The following YBX1 variants were observed in gnomAD, a reference collection of about 807,000 sequenced individuals.
The protein encoded by YBX1 is Y-box binding protein 1, also known as Y-box-binding protein 1.
A neutral mutation model predicts 41.4 loss-of-function variants in YBX1; 3 were observed. The observed-to-expected ratio is 0.07, with a 90% confidence interval of 0.03 to 0.19. The LOEUF (loss-of-function observed/expected upper bound fraction) is 0.19, where lower values mean the gene tolerates loss of function less well. YBX1 is among the 10% of genes least tolerant of loss of function. YBX1 has a pLI of 1.00. For missense variants in YBX1, 274 were observed against 462.8 expected, an observed-to-expected ratio of 0.59 and a Z score of 3.74; for synonymous variants, 133 against 165.8, an observed-to-expected ratio of 0.80 and a Z score of 1.52.
intron 2 of YBX1, among the ~76,000 whole-genome samples, chr1:42,688,470 A>G (rs1650251440): frequency 6.6e-6 from 1 of 152,218 alleles, no homozygotes; most frequent in South Asian, 2.1e-4. Flanking sequence ...GGCAGCATTA[A>G]ATCATAACTG....
In YBX1 at chr1:42,703,000, C is replaced by T. The variant is rs1273061997; in HGVS notation, c.*1051C>T. ...GGAGTACAGTGGCACAATCTTGGCT[C>T]ACTGCAACCTCCACCTCTAGGTTTA... On this transcript the variant is annotated 3_prime_UTR_variant, in exon 8 of 8. Coordinates refer to ENST00000321358, the MANE Select transcript of YBX1 (RefSeq NM_004559.5). 1.3e-5 allele frequency among the ~76,000 whole-genome samples: 2 copies of T among 152,172 alleles called. No homozygotes were observed. The highest frequency in any genetic ancestry group is 2.9e-5 in the Non-Finnish European group (2 of 68,032).
Position 42,683,186 on chromosome 1 carries a change from C to A in YBX1, c.167-217C>A, listed in dbSNP as rs1489833107. 3.3e-5 allele frequency: 22 copies of A among 665,292 alleles called. 2 individuals carry two copies. In the East Asian group the frequency reaches 3.9e-4, roughly 12 times the overall value. 41.2% of individuals were successfully genotyped at this position (665,292 alleles called of 1,614,324 possible). ...CTGCGCACACACCCATCCTGGGGCC[C>A]GCGCCCCGGGCCTGCCCTGGAGCGC... is the stretch of plus-strand genomic sequence containing the variant. On this transcript the variant is annotated intron_variant, in intron 1 of 7. Transcript: ENST00000321358.
intron 2 of YBX1, among the ~76,000 whole-genome samples, chr1:42,690,874 G>A (rs1205843806): frequency 6.6e-6 from 1 of 152,142 alleles, no homozygotes; most frequent in African/African-American, 2.4e-5. Context: ...TTTCTTTCTA[G>A]TAGATGGGGG....
chr1:42,687,724 G>A (rs183706675), intron 2 of YBX1, among the ~76,000 whole-genome samples: 2 of 152,270 alleles, frequency 1.3e-5, no homozygotes, highest in African/African-American at 4.8e-5. Flanking sequence ...TCCAGCTTCA[G>A]CCTCCCAAAT....
chr1:42,696,707 A>G lies in YBX1; in HGVS notation c.420A>G (p.Ala140=). 1 of 1,611,694 alleles carries G rather than the reference A, an allele frequency of 6.2e-7. No individual in the cohort carries two copies. Residue 140 remains alanine, a synonymous_variant, in exon 5 of 8, where the codon GCA becomes GCG. Coordinates refer to ENST00000321358, the MANE Select transcript of YBX1 (RefSeq NM_004559.5). The surrounding 1 kb of genome is among the most constrained non-coding windows in gnomAD (Gnocchi z 5.7). ...CAGTTCAAGGCAGTAAATATGCAGC[A>G]GACCGTAACCATTATAGACGCTATC... ...GVPVQGSKYA[A]DRNHYRRYPR... is the part of the protein sequence containing the mutation.
rs1390079333 is a variant in YBX1, at chr1:42,696,520, CCCT to C, written c.355-121_355-119del. ...CTGGTCACGCAGTTGCGCCCCCCCCCCCTTTTTTTTCCTTAACTTTGTTGTTTT... is the reference window on the plus strand; with the variant it reads ...CTGGTCACGCAGTTGCGCCCCCCCCCTTTTTTTCCTTAACTTTGTTGTTTT... On this transcript the variant is annotated intron_variant, in intron 4 of 7. Coordinates refer to ENST00000321358, the MANE Select transcript of YBX1 (RefSeq NM_004559.5). This position sits in a 1 kb window ranked among gnomAD's most constrained non-coding sequence, Gnocchi z 5.7. 8 of 735,626 alleles carry C rather than the reference CCCT, an allele frequency of 1.1e-5. No individual in the cohort carries two copies. Among genetic ancestry groups the C allele is most frequent in the South Asian group, 4.9e-5 (2 of 40,908 alleles). The allele number at this position is 735,626 out of a possible 1,614,324, so 45.6% of individuals were successfully genotyped here.
intron 2 of YBX1, among the ~76,000 whole-genome samples, chr1:42,691,465 C>T (rs1213112882): frequency 1.3e-5 from 2 of 152,044 alleles, no homozygotes; most frequent in South Asian, 2.1e-4. Context: ...AATGGAGGCC[C>T]GGCTAATTTT....
At chr1:42,700,726 G>A (rs1335009836) in intron 6 of YBX1, 55 bp from the exon 7 acceptor site, 2 of 1,494,452 alleles carry the variant, frequency 1.3e-6, no homozygotes, top group Non-Finnish European at 1.8e-6. Context: ...ACACTGGTGG[G>A]TGTGTTGAAG....
chr1:42,687,996 C>T (rs1022143228), intron 2 of YBX1, among the ~76,000 whole-genome samples: 1 of 152,152 alleles, frequency 6.6e-6, no homozygotes. Context: ...GACATGTATG[C>T]AGGAGACATT....
intron 1 of YBX1, 126 bp downstream of exon 1, chr1:42,682,857 A>AT (rs1270669925): frequency 2.3e-6 from 1 of 429,920 alleles, no homozygotes; most frequent in Non-Finnish European, 3.4e-6. Context: ...GCGGCCGCCC[A>AT]TCCCCCCCGT....
intron 2 of YBX1, among the ~76,000 whole-genome samples, chr1:42,685,392 G>A (rs1650170048): frequency 6.6e-6 from 1 of 152,112 alleles, no homozygotes; most frequent in South Asian, 2.1e-4. Flanking sequence ...TGGTTAAAAT[G>A]TTCTTTATGC....
intron 1 of YBX1, 133 bp downstream of exon 1, chr1:42,682,864 C>T: frequency 2.6e-6 from 1 of 381,688 alleles, no homozygotes; most frequent in Non-Finnish European, 4.2e-6. Context: ...CCCATCCCCC[C>T]CGTCCCCCCC....
chr1:42,688,443 A>T lies in YBX1; in HGVS notation c.230+4977A>T, dbSNP rs541674083. Among the ~76,000 whole-genome samples the T allele has an allele frequency of 2.9e-5, 4 of 137,032 alleles. No homozygotes were observed. In the East Asian group the frequency reaches 7.9e-4, roughly 27 times the overall value. The allele number at this position is 137,032 out of a possible 152,430, so 89.9% of individuals were successfully genotyped here. On this transcript the variant is annotated intron_variant, in intron 2 of 7. Transcript: ENST00000321358. ...AGCCATTTGCAGTTGAGAAATGTAA[A>T]CAAACATAAAGATTCAGGCAGCATT...
rs761266184 is a variant in YBX1, at chr1:42,683,446, C to T, written c.210C>T (p.Asn70=). 3.9e-5 allele frequency: 63 copies of T among 1,613,836 alleles called. No individual in the cohort carries two copies. Among genetic ancestry groups the T allele is most frequent in the Non-Finnish European group, 5.0e-5 (59 of 1,180,042 alleles). Residue 70 remains asparagine (N), a synonymous_variant, in exon 2 of 8, where the codon AAC becomes AAT. Coordinates refer to ENST00000321358, the MANE Select transcript of YBX1 (RefSeq NM_004559.5). ...LGTVKWFNVR[N]GYGFINRNDT... ...CAGTAAAATGGTTCAATGTAAGGAA[C>T]GGATATGGTTTCATCAACAGGTGAG...
At chr1:42,683,082 G>T (rs1237775930) in intron 1 of YBX1, 2 of 517,786 alleles carry the variant, frequency 3.9e-6, no homozygotes, top group East Asian at 5.5e-5. Flanking sequence ...TCCCTTCCGC[G>T]TGTGCTCGGA....
chr1:42,694,498 A>G (rs1353432822), intron 3 of YBX1, among the ~76,000 whole-genome samples: 2 of 152,218 alleles, frequency 1.3e-5, no homozygotes, highest in South Asian at 2.1e-4. Flanking sequence ...CCAGAAATCA[A>G]AAGACCTAAA....
Position 42,703,290 on chromosome 1 carries a change from A to G in YBX1, c.*1341A>G, listed in dbSNP as rs1188222799. ...GGCTTGCTTTGTGAAATAGTCATGT[A>G]GTTGATAGTGACTGCTGCCCCGAAA... is the stretch of plus-strand genomic sequence containing the variant. On this transcript the variant is annotated 3_prime_UTR_variant, in exon 8 of 8. Transcript: ENST00000321358. Among the ~76,000 whole-genome samples, 1 of 151,958 alleles carries G rather than the reference A, an allele frequency of 6.6e-6. No individual in the cohort carries two copies. The highest frequency in any genetic ancestry group is 1.5e-5 in the Non-Finnish European group (1 of 68,006).
chr1:42,700,184 T>C (rs2148742742), intron 6 of YBX1, among the ~76,000 whole-genome samples: 1 of 152,200 alleles, frequency 6.6e-6, no homozygotes, highest in Admixed American at 6.5e-5. Flanking sequence ...AATGTGAATT[T>C]ATTCCCATGA....
chr1:42,683,233 C>T (rs1293264387), intron 1 of YBX1, 170 bp from the exon 2 acceptor site: 2 of 775,688 alleles, frequency 2.6e-6, no homozygotes, highest in Admixed American at 2.0e-5. Flanking sequence ...GACTCACCCA[C>T]GTGTGCGGCG....
Sources: gnomAD v4.1 joint callset for allele counts (sites outside exome capture counted in the v4.1 genomes callset) on GRCh38, gnomAD v4.1.1 for gene constraint, Gnocchi (gnomAD v3.1) non-coding constraint, MANE v1.5 for transcripts, NCBI Gene and HGNC (gene_info 2026-07-23, HGNC 2026-07-21) for gene names.